Variants in C1GALT1 observed in about 807,000 individuals in gnomAD.
C1GALT1 encodes glycoprotein-N-acetylgalactosamine 3-beta-galactosyltransferase 1.
In C1GALT1, 11 loss-of-function variants were observed where a neutral mutation model predicts 31.0. The ratio of observed to expected loss-of-function variants is 0.36; its 90% confidence interval spans 0.22 to 0.59. C1GALT1 has a LOEUF of 0.59. C1GALT1 is among the 20% of genes least tolerant of loss of function. The pLI is 0.79. For synonymous variants in C1GALT1, 175 were observed against 143.6 expected (o/e 1.22, Z -1.56); for missense variants, 424 against 425.2 (o/e 1.00, Z 0.03).
chr7:7,193,654 T>C (rs1313608052), intron 1 of C1GALT1, among the ~76,000 whole-genome samples: 1 of 152,082 alleles, frequency 6.6e-6, no homozygotes, highest in Non-Finnish European at 1.5e-5. Context: ...GATTTGGCTA[T>C]GTGTGTTCCT....
At chr7:7,240,874 C>CT (rs943378852) in intron 3 of C1GALT1, among the ~76,000 whole-genome samples, 7 of 151,600 alleles carry the variant, frequency 4.6e-5, no homozygotes, top group African/African-American at 7.3e-5. Context: ...CTTATACATA[C>CT]TTTTTTTTTC....
chr7:7,189,303 TATATC>T (rs1189105139), intron 1 of C1GALT1, among the ~76,000 whole-genome samples: 2 of 152,282 alleles, frequency 1.3e-5, no homozygotes, highest in Non-Finnish European at 2.9e-5. Context: ...CATGAAGTGA[TATATC>T]AAGGCATAAT....
chr7:7,186,869 G>T (rs1414608295), intron 1 of C1GALT1, among the ~76,000 whole-genome samples: 3 of 152,184 alleles, frequency 2.0e-5, no homozygotes, highest in Non-Finnish European at 2.9e-5. Context: ...AGAAAGAAAG[G>T]GGTGGAGTAG....
At chr7:7,200,193 C>T (rs1476875307) in intron 1 of C1GALT1, among the ~76,000 whole-genome samples, 1 of 152,094 alleles carries the variant, frequency 6.6e-6, no homozygotes, top group African/African-American at 2.4e-5. Flanking sequence ...TGTTCCTTTC[C>T]ATGTTTAGTG....
At chr7:7,210,274 G>T (rs1264654884) in intron 1 of C1GALT1, among the ~76,000 whole-genome samples, 1 of 152,158 alleles carries the variant, frequency 6.6e-6, no homozygotes, top group Admixed American at 6.5e-5. Context: ...TTCAACTGGA[G>T]ACTTGGGGAG....
At chr7:7,167,636 G>C (rs1194694001) in intron 2 of C1GALT1, among the ~76,000 whole-genome samples, 2 of 151,678 alleles carry the variant, frequency 1.3e-5, no homozygotes, top group East Asian at 1.9e-4. Flanking sequence ...TTTTCAAGCA[G>C]AATCTGTGGT....
chr7:7,227,970 C>G (rs538850536), intron 1 of C1GALT1, among the ~76,000 whole-genome samples: 1 of 152,216 alleles, frequency 6.6e-6, no homozygotes, highest in East Asian at 1.9e-4. Context: ...AGAAAATGGA[C>G]TAAGACATAA....
At chr7:7,197,379 A>C (rs113481857) in intron 1 of C1GALT1, among the ~76,000 whole-genome samples, 4,682 of 151,964 alleles carry the variant, frequency 0.031, 156 homozygotes, top group African/African-American at 0.084. Context: ...ACCGAGGGCT[A>C]TATTCTGTTC....
chr7:7,163,622 A>G (rs1351249825), intron 2 of C1GALT1, among the ~76,000 whole-genome samples: 1 of 151,712 alleles, frequency 6.6e-6, no homozygotes, highest in East Asian at 1.9e-4. Context: ...GCAAAGTCTC[A>G]GGATACAAAA....
At chr7:7,197,681 A>T (rs1583762615) in intron 1 of C1GALT1, among the ~76,000 whole-genome samples, 1 of 152,144 alleles carries the variant, frequency 6.6e-6, no homozygotes, top group East Asian at 1.9e-4. Context: ...TGAGCATGGA[A>T]TGTTCTTCCA....
intron 2 of C1GALT1, among the ~76,000 whole-genome samples, chr7:7,169,158 G>C (rs949931809): frequency 6.6e-6 from 1 of 152,078 alleles, no homozygotes; most frequent in Non-Finnish European, 1.5e-5. Flanking sequence ...TGTTTTCAAG[G>C]CTCATCCATG....
chr7:7,187,575 C>T (rs181681339), intron 1 of C1GALT1, among the ~76,000 whole-genome samples: 1 of 152,296 alleles, frequency 6.6e-6, no homozygotes, highest in Admixed American at 6.5e-5. Context: ...ATACTACTGG[C>T]ATCTAGTGAG....
At chr7:7,230,643 A>C (rs1045811295) in intron 1 of C1GALT1, among the ~76,000 whole-genome samples, 1 of 95,252 alleles carries the variant, frequency 1.0e-5, no homozygotes, top group Non-Finnish European at 2.2e-5. Context: ...TTTTTTTAAC[A>C]TTGCCTTGAT....
intron 1 of C1GALT1, among the ~76,000 whole-genome samples, chr7:7,221,173 C>A (rs1782495444): frequency 6.8e-6 from 1 of 146,074 alleles, no homozygotes; most frequent in South Asian, 2.1e-4. Context: ...CTAAAGTGAT[C>A]TTTAGTTTTC....
At chr7:7,225,878 TAGAG>T (rs1228444751) in intron 1 of C1GALT1, among the ~76,000 whole-genome samples, 62 of 152,160 alleles carry the variant, frequency 4.1e-4, no homozygotes. Context: ...AAGATAATTT[TAGAG>T]AGAAAGGGAA....
At chr7:7,189,937 T>G (rs942346938) in intron 1 of C1GALT1, among the ~76,000 whole-genome samples, 4 of 152,204 alleles carry the variant, frequency 2.6e-5, no homozygotes, top group Non-Finnish European at 4.4e-5. Flanking sequence ...TAAGCCACCT[T>G]TTTCTTGATT....
upstream of C1GALT1, among the ~76,000 whole-genome samples, chr7:7,179,859 CA>C (rs34406199): frequency 0.022 from 2,150 of 95,966 alleles, 19 homozygotes; most frequent in African/African-American, 0.064. Flanking sequence ...GTTTCAGGTT[CA>C]AAAAAAAAAA....
chr7:7,202,737 T>C (rs962211028), intron 1 of C1GALT1, among the ~76,000 whole-genome samples: 3 of 152,214 alleles, frequency 2.0e-5, no homozygotes, highest in African/African-American at 7.2e-5. Context: ...AATTTTAGAA[T>C]GGATTTTTCT....
intron 1 of C1GALT1, among the ~76,000 whole-genome samples, chr7:7,222,272 A>G (rs1782544116): frequency 6.6e-6 from 1 of 152,214 alleles, no homozygotes; most frequent in Non-Finnish European, 1.5e-5. Flanking sequence ...AAACTTTTAT[A>G]TTAAAGAATA....
Sources: gnomAD v4.1 joint callset for allele counts (sites outside exome capture counted in the v4.1 genomes callset) on GRCh38, gnomAD v4.1.1 for gene constraint, MANE v1.5 for transcripts, NCBI Gene and HGNC (gene_info 2026-07-23, HGNC 2026-07-21) for gene names.